The following DLG1 variants were observed in gnomAD, a reference collection of about 807,000 sequenced individuals.
DLG1 encodes the protein discs large MAGUK scaffold protein 1.
In DLG1, 42 loss-of-function variants were observed where a neutral mutation model predicts 123.4. The observed-to-expected ratio is 0.34, with a 90% CI of 0.27 to 0.44. The LOEUF is 0.44. DLG1 is among the 20% of genes least tolerant of loss of function. The pLI is 1.00. For missense variants in DLG1, 942 were observed against 1,082.6 expected, an observed-to-expected ratio of 0.87 and a Z score of 1.82; for synonymous variants, 317 against 356.2, an observed-to-expected ratio of 0.89 and a Z score of 1.24.
chr3:197,110,861 G>A (rs1209959053), intron 13 of DLG1, among the ~76,000 whole-genome samples: 2 of 152,138 alleles, frequency 1.3e-5, no homozygotes, highest in Non-Finnish European at 2.9e-5. Flanking sequence ...ACTCAGATAA[G>A]CAATTAACAA....
rs540630133 is a variant in DLG1 at position 197,237,704 on chromosome 3, C to T, written c.319-43115G>A. On this transcript the variant is annotated intron_variant, in intron 4 of 24. Transcript: ENST00000667157. ...TAAAGAGACAGCCCTCTCCACTGGC[C>T]GGGGGTAGAGGGAATGTTAGAAGAG... 7.2e-5 allele frequency among the ~76,000 whole-genome samples: 11 copies of T among 152,208 alleles called. No homozygotes were observed. In the South Asian group the frequency reaches 1.0e-3, roughly 14 times the overall value.
intron 10 of DLG1, among the ~76,000 whole-genome samples, chr3:197,134,472 C>CAAAAAAAAAAA (rs11319273): frequency 1.0e-5 from 1 of 96,578 alleles, no homozygotes; most frequent in African/African-American, 3.9e-5. Context: ...TTCATAATAC[C>CAAAAAAAAAAA]AAAAAAAAAA....
intron 4 of DLG1, among the ~76,000 whole-genome samples, chr3:197,237,225 A>T (rs1294089278): frequency 6.6e-6 from 1 of 152,224 alleles, no homozygotes; most frequent in African/African-American, 2.4e-5. Context: ...AAACAAAAAT[A>T]AGACTGAAAG....
intron 5 of DLG1, among the ~76,000 whole-genome samples, chr3:197,192,723 T>C (rs192054305): frequency 1.3e-5 from 2 of 152,238 alleles, no homozygotes; most frequent in East Asian, 3.9e-4. Flanking sequence ...TATGTATGTG[T>C]ATGTGTGTAT....
chr3:197,193,645 G>A (rs1463446799), intron 5 of DLG1, among the ~76,000 whole-genome samples: 2 of 152,154 alleles, frequency 1.3e-5, no homozygotes, highest in African/African-American at 4.8e-5. Flanking sequence ...TAAATATACA[G>A]TATGAGTCCA....
At chr3:197,274,761 A>G (rs937128312) in intron 4 of DLG1, among the ~76,000 whole-genome samples, 13 of 152,244 alleles carry the variant, frequency 8.5e-5, no homozygotes, top group Non-Finnish European at 1.8e-4. Context: ...AAGGAGCAAC[A>G]AAAAAGCAAG....
At chr3:197,298,085 C>T (rs960143662) in intron 1 of DLG1, 1 of 285,830 alleles carries the variant, frequency 3.5e-6, no homozygotes, top group Non-Finnish European at 5.3e-6. Context: ...CCTTCCGCGC[C>T]CCCAACCGCT....
At chr3:197,172,881 T>C (rs569287376) in intron 5 of DLG1, among the ~76,000 whole-genome samples, 126 of 152,354 alleles carry the variant, frequency 8.3e-4, no homozygotes, top group Non-Finnish European at 1.5e-3. Context: ...CATATTTGCT[T>C]AAAATATTTT....
At chr3:197,178,599 A>C (rs1808392573) in intron 5 of DLG1, among the ~76,000 whole-genome samples, 1 of 152,198 alleles carries the variant, frequency 6.6e-6, no homozygotes, top group African/African-American at 2.4e-5. Context: ...CTGAAATGTG[A>C]GTATAAAAAG....
chr3:197,087,728 C>T (rs937858157), intron 15 of DLG1, among the ~76,000 whole-genome samples: 3 of 152,216 alleles, frequency 2.0e-5, no homozygotes, highest in Admixed American at 6.5e-5. Flanking sequence ...GTTATAGAAA[C>T]AAGTTTTATT....
At position 197,255,403 on chromosome 3, in the gene DLG1, G is replaced by A. The variant is rs543173629; in HGVS notation, c.318+27276C>T. Among the ~76,000 whole-genome samples, 3 of 152,260 alleles carry A rather than the reference G, an allele frequency of 2.0e-5. No individual in the cohort carries two copies. In the South Asian group the frequency reaches 6.2e-4, roughly 32 times the overall value. ...TTTGTAATGAAGCAGGGGACTAGGTGAACTTATAAAGTAAGTGAAAGTGTG... is the reference window on the plus strand; with the variant it reads ...TTTGTAATGAAGCAGGGGACTAGGTAAACTTATAAAGTAAGTGAAAGTGTG... On this transcript the variant is annotated intron_variant, in intron 4 of 24. Transcript: ENST00000667157.
chr3:197,243,781 C>G (rs1750190348), intron 4 of DLG1, among the ~76,000 whole-genome samples: 1 of 152,206 alleles, frequency 6.6e-6, no homozygotes, highest in East Asian at 1.9e-4. Flanking sequence ...TGTTGACCAC[C>G]AGAATAACAT....
chr3:197,198,487 CAAAAAAAAA>C (rs5855568), intron 4 of DLG1, among the ~76,000 whole-genome samples: 1 of 109,666 alleles, frequency 9.1e-6, no homozygotes. Flanking sequence ...ACTCAGTCTC[CAAAAAAAAA>C]AAAAAAGACA....
chr3:197,152,337 T>G (rs1029729381), intron 5 of DLG1, among the ~76,000 whole-genome samples: 13 of 152,060 alleles, frequency 8.5e-5, no homozygotes, highest in African/African-American at 2.9e-4. Flanking sequence ...CGTAGACTCT[T>G]TCCAAGTCTT....
chr3:197,274,740 C>T (rs967033256), intron 4 of DLG1, among the ~76,000 whole-genome samples: 5 of 151,976 alleles, frequency 3.3e-5, no homozygotes, highest in African/African-American at 9.7e-5. Flanking sequence ...GTATTAATAA[C>T]CAGAATATAT....
chr3:197,118,976 C>G (rs1774827110), intron 12 of DLG1, among the ~76,000 whole-genome samples: 1 of 152,060 alleles, frequency 6.6e-6, no homozygotes, highest in African/African-American at 2.4e-5. Flanking sequence ...TGCACTCCAG[C>G]CTGGGCAACA....
At chr3:197,068,474 AT>A in intron 19 of DLG1, 1 of 1,487,848 alleles carries the variant, frequency 6.7e-7, no homozygotes, top group Non-Finnish European at 9.2e-7. Context: ...ATGAAAAAGT[AT>A]TAGGGACTGA....
rs1560911163 is a variant in DLG1, at chr3:197,131,579, CCTTTCT to C, written c.1021-914_1021-909del. ...ATCAGCAAATATAGTTTTATTTCTT[CCTTTCT>C]TTTTTTTTTTTTTTTTTTTTTTTTT... On this transcript the variant is annotated intron_variant, in intron 10 of 24. Transcript: ENST00000667157. Among the ~76,000 whole-genome samples the C allele has an allele frequency of 7.3e-5, 9 of 122,682 alleles. 1 individual carries two copies. The highest frequency in any genetic ancestry group is 2.3e-4 in the East Asian group (1 of 4,270). The allele number at this position is 122,682 out of a possible 152,430, so 80.5% of individuals were successfully genotyped here. A position where few individuals can be genotyped will look rare whatever the true frequency, so the allele number is the denominator to read the frequency against.
At chr3:197,161,651 T>A in intron 5 of DLG1, 3 of 1,518,630 alleles carry the variant, frequency 2.0e-6, no homozygotes, top group Non-Finnish European at 2.6e-6. Flanking sequence ...TGTGGTATGG[T>A]GGGTAGGATG....
Sources: allele counts gnomAD v4.1 joint callset (sites outside exome capture counted in the v4.1 genomes callset), GRCh38; gene constraint gnomAD v4.1.1; transcripts MANE v1.5; gene names NCBI Gene and HGNC (gene_info 2026-07-23, HGNC 2026-07-21).